The following MSRA variants were observed in gnomAD, a reference collection of about 807,000 sequenced individuals.
The protein encoded by MSRA is mitochondrial peptide methionine sulfoxide reductase.
A neutral mutation model predicts 31.3 loss-of-function variants in MSRA; 54 were observed. The observed-to-expected ratio is 1.73, with a 90% CI of 1.39 to 2.17. The LOEUF is 2.17. Among genes scored for constraint, MSRA ranks in the 30% most tolerant of loss-of-function variants. The pLI is 0.00. For missense variants in MSRA, 507 were observed against 300.9 expected, an observed-to-expected ratio of 1.69 and a Z score of -5.07; for synonymous variants, 169 against 116.5, an observed-to-expected ratio of 1.45 and a Z score of -2.90.
At chr8:10,235,194 A>G (rs1312595022) in intron 2 of MSRA, among the ~76,000 whole-genome samples, 2 of 152,156 alleles carry the variant, frequency 1.3e-5, no homozygotes, top group Non-Finnish European at 1.5e-5. Context: ...GTCTGAACAA[A>G]TTTCAAAATA....
intron 5 of MSRA, among the ~76,000 whole-genome samples, chr8:10,350,461 G>A (rs372480409): frequency 1.3e-5 from 2 of 152,220 alleles, no homozygotes; most frequent in East Asian, 1.9e-4. Flanking sequence ...CACTGTGGAT[G>A]AAAAGGCCCT....
intron 3 of MSRA, among the ~76,000 whole-genome samples, chr8:10,261,721 C>G (rs1403012129): frequency 6.6e-6 from 1 of 152,152 alleles, no homozygotes. Flanking sequence ...TTATTATTAA[C>G]TAAAGTCCAT....
intron 3 of MSRA, among the ~76,000 whole-genome samples, chr8:10,259,677 C>A (rs1280031537): frequency 1.3e-5 from 2 of 152,076 alleles, no homozygotes; most frequent in Non-Finnish European, 2.9e-5. Context: ...GTAGACCGTC[C>A]TGGGAAACCC....
chr8:10,390,329 C>T (rs1192860801), intron 5 of MSRA, among the ~76,000 whole-genome samples: 1 of 152,222 alleles, frequency 6.6e-6, no homozygotes, highest in African/African-American at 2.4e-5. Flanking sequence ...TGGCAGTTAT[C>T]TGGTAATGAG....
chr8:10,362,063 C>T (rs1480897946), intron 5 of MSRA, among the ~76,000 whole-genome samples: 2 of 152,160 alleles, frequency 1.3e-5, no homozygotes, highest in Admixed American at 1.3e-4. Flanking sequence ...GTGAGAGAGA[C>T]CCGGGTTCCC....
intron 2 of MSRA, among the ~76,000 whole-genome samples, chr8:10,219,901 G>T (rs564063440): frequency 1.3e-5 from 2 of 148,746 alleles, no homozygotes; most frequent in Non-Finnish European, 3.0e-5. Flanking sequence ...GTTTTCCCCT[G>T]GTAGGCAATC....
intron 1 of MSRA, among the ~76,000 whole-genome samples, chr8:10,128,771 C>G (rs948485915): frequency 4.6e-5 from 7 of 152,210 alleles, no homozygotes; most frequent in African/African-American, 1.7e-4. Flanking sequence ...AACTCTTCAT[C>G]AGAGGTACTC....
At chr8:10,385,346 A>G (rs549992364) in intron 5 of MSRA, among the ~76,000 whole-genome samples, 1 of 152,346 alleles carries the variant, frequency 6.6e-6, no homozygotes, top group Admixed American at 6.5e-5. Context: ...ACGCAGGGAC[A>G]AAGGTAGAAG....
intron 1 of MSRA, among the ~76,000 whole-genome samples, chr8:10,084,936 A>G (rs911660471): frequency 2.0e-5 from 3 of 152,098 alleles, no homozygotes; most frequent in Non-Finnish European, 2.9e-5. Flanking sequence ...ATTTTTTCAG[A>G]TGAAGCTGGT....
At chr8:10,328,345 T>G (rs1036857242) in intron 5 of MSRA, among the ~76,000 whole-genome samples, 2 of 149,572 alleles carry the variant, frequency 1.3e-5, no homozygotes, top group East Asian at 4.0e-4. Context: ...CTCATGCCTT[T>G]CCCTCGCCTT....
At chr8:10,254,431 A>T (rs1391613757) in intron 3 of MSRA, among the ~76,000 whole-genome samples, 2 of 152,226 alleles carry the variant, frequency 1.3e-5, no homozygotes, top group African/African-American at 4.8e-5. Context: ...AAGTCACAGA[A>T]ACTGGTGACT....
intron 5 of MSRA, among the ~76,000 whole-genome samples, chr8:10,418,708 C>G (rs915243446): frequency 2.0e-5 from 3 of 147,896 alleles, no homozygotes; most frequent in Non-Finnish European, 4.4e-5. Context: ...CTTCTAAGGA[C>G]TTCTAGAGAT....
Position 10,152,489 on chromosome 8 carries a change from C to G in MSRA, c.143-55344C>G, listed in dbSNP as rs79089344. Among the ~76,000 whole-genome samples the G allele has an allele frequency of 2.0e-5, 3 of 152,070 alleles. No individual in the cohort carries two copies. The East Asian group carries it at 5.8e-4, about 29-fold the overall frequency. On this transcript the variant is annotated intron_variant, in intron 1 of 5. Transcript: ENST00000317173. ...ATCTGAATCACAAGGCAATTAAGAG[C>G]CCCAGGAAAGGCTGATTTCAGGATG...
intron 3 of MSRA, among the ~76,000 whole-genome samples, chr8:10,248,129 A>G (rs1797720904): frequency 6.6e-6 from 1 of 152,240 alleles, no homozygotes; most frequent in Admixed American, 6.5e-5. Context: ...GGTAAGATGC[A>G]TAGTAATTGC....
intron 5 of MSRA, among the ~76,000 whole-genome samples, chr8:10,359,676 A>G (rs28491054): frequency 0.2 from 31,017 of 152,004 alleles, 3,900 homozygotes; most frequent in African/African-American, 0.36. Context: ...CACTGCTGCC[A>G]CCAAGCTTTT....
At chr8:10,323,178 A>G (rs28507813) in intron 5 of MSRA, among the ~76,000 whole-genome samples, 26,639 of 151,770 alleles carry the variant, frequency 0.18, 2,679 homozygotes, top group African/African-American at 0.27. Context: ...GAACTGTCCA[A>G]CCAGGCAGGA....
At chr8:10,185,189 C>T (rs1336577487) in intron 1 of MSRA, among the ~76,000 whole-genome samples, 1 of 151,852 alleles carries the variant, frequency 6.6e-6, no homozygotes, top group Non-Finnish European at 1.5e-5. Flanking sequence ...CCCCTGTGGA[C>T]AATTGGTGAC....
At chr8:10,091,777 T>G (rs527550082) in intron 1 of MSRA, among the ~76,000 whole-genome samples, 24 of 152,220 alleles carry the variant, frequency 1.6e-4, no homozygotes, top group African/African-American at 5.5e-4. Flanking sequence ...CCGCTAATTT[T>G]TGTAGTTTTA....
chr8:10,188,207 T>C (rs575900099), intron 1 of MSRA, among the ~76,000 whole-genome samples: 2 of 152,364 alleles, frequency 1.3e-5, no homozygotes, highest in East Asian at 1.9e-4. Context: ...ATTGGTGTAA[T>C]ACTTTTAAAT....
Sources: allele counts gnomAD v4.1 joint callset (sites outside exome capture counted in the v4.1 genomes callset), GRCh38; gene constraint gnomAD v4.1.1; transcripts MANE v1.5; gene names NCBI Gene and HGNC (gene_info 2026-07-23, HGNC 2026-07-21).